ADAMTS17: variants seen among roughly 807,000 people sequenced by gnomAD.
The protein encoded by ADAMTS17 is A disintegrin and metalloproteinase with thrombospondin motifs 17.
A neutral mutation model predicts 141.5 loss-of-function variants in ADAMTS17; 113 were observed. That is an observed-to-expected ratio of 0.80 (90% CI 0.69 to 0.93). ADAMTS17 has a LOEUF of 0.93. Ranked by LOEUF, ADAMTS17 falls within the 40% of genes least tolerant of loss-of-function variation. The pLI is 0.00. For synonymous variants in ADAMTS17, 768 were observed against 630.6 expected (o/e 1.22, Z -3.27); for missense variants, 1,659 against 1,517.9 (o/e 1.09, Z -1.54).
intron 3 of ADAMTS17, among the ~76,000 whole-genome samples, chr15:100,295,242 T>A (rs1047604328): frequency 5.3e-5 from 8 of 152,168 alleles, no homozygotes; most frequent in African/African-American, 1.9e-4. Context: ...CCATTTCCCA[T>A]TCTGCCTCTT....
At chr15:100,051,544 CA>C (rs1468516899) in intron 17 of ADAMTS17, 27 bp downstream of exon 17, 2 of 1,612,414 alleles carry the variant, frequency 1.2e-6, no homozygotes, top group African/African-American at 2.7e-5. Context: ...ACCCCACACC[CA>C]ACAGGTCATG....
chr15:99,998,070 G>A (rs765528046), intron 18 of ADAMTS17, among the ~76,000 whole-genome samples: 1 of 152,154 alleles, frequency 6.6e-6, no homozygotes, highest in Non-Finnish European at 1.5e-5. Context: ...TACCGCCTGC[G>A]CTACTGTCAG....
At chr15:100,246,711 C>A (rs1388349162) in intron 7 of ADAMTS17, among the ~76,000 whole-genome samples, 1 of 152,022 alleles carries the variant, frequency 6.6e-6, no homozygotes, top group African/African-American at 2.4e-5. Flanking sequence ...CTGGAGACTA[C>A]ACTTTTTTTT....
chr15:100,210,153 C>G (rs983911730), intron 7 of ADAMTS17, among the ~76,000 whole-genome samples: 5 of 142,126 alleles, frequency 3.5e-5, no homozygotes, highest in African/African-American at 5.4e-5. Context: ...ATGGCGTGAA[C>G]CTGGGAGGAG....
At chr15:100,236,311 A>C (rs1321100597) in intron 7 of ADAMTS17, among the ~76,000 whole-genome samples, 1 of 150,232 alleles carries the variant, frequency 6.7e-6, no homozygotes, top group African/African-American at 2.5e-5. Context: ...CCCTAACAAG[A>C]GAAGACCCCC....
intron 7 of ADAMTS17, among the ~76,000 whole-genome samples, chr15:100,241,585 G>T (rs141763109): frequency 6.6e-6 from 1 of 152,164 alleles, no homozygotes; most frequent in Non-Finnish European, 1.5e-5. Context: ...TCAGCCAGTC[G>T]GCCAACGGAG....
At chr15:100,114,960 A>G (rs1310789161) in intron 13 of ADAMTS17, among the ~76,000 whole-genome samples, 2 of 152,282 alleles carry the variant, frequency 1.3e-5, no homozygotes, top group Non-Finnish European at 2.9e-5. Flanking sequence ...AGACGGGAGC[A>G]TTGAAAACTG....
Position 99,972,788 on chromosome 15 carries a change from C to G in ADAMTS17, c.*1614G>C, listed in dbSNP as rs1172972753. 1 of 152,204 alleles carries G rather than the reference C, an allele frequency of 6.6e-6. No individual in the cohort carries two copies. Among genetic ancestry groups the G allele is most frequent in the East Asian group, 1.9e-4 (1 of 5,198 alleles). 9.4% of individuals were successfully genotyped at this position (152,204 alleles called of 1,614,324 possible). A position where few individuals can be genotyped will look rare whatever the true frequency, so the allele number is the denominator to read the frequency against. ...TTCTCTGCCTCTAGGGTAGTAAAAA[C>G]AAAAACACAGCTCGTAAGACAGGGT... On this transcript the variant is annotated 3_prime_UTR_variant, in exon 22 of 22. Transcript: ENST00000268070.
chr15:99,992,423 C>T (rs945728742), intron 20 of ADAMTS17, among the ~76,000 whole-genome samples: 4 of 152,178 alleles, frequency 2.6e-5, no homozygotes, highest in Non-Finnish European at 5.9e-5. Flanking sequence ...TTACAGGTGG[C>T]AGTGGGGCTC....
At chr15:99,999,249 A>G (rs922993210) in intron 18 of ADAMTS17, among the ~76,000 whole-genome samples, 3 of 152,168 alleles carry the variant, frequency 2.0e-5, no homozygotes, top group African/African-American at 7.2e-5. Context: ...ACTGAACCAT[A>G]TATATCACCA....
At position 99,972,510 on chromosome 15, in the gene ADAMTS17, T is replaced by G. The variant is rs1378486045; in HGVS notation, c.*1892A>C. ...TAAATGTCTTTCAGTGAATTAACAG[T>G]TCATTTGGGGATGAAGAAAATTGAA... is the stretch of plus-strand genomic sequence containing the variant. On this transcript the variant is annotated 3_prime_UTR_variant, in exon 22 of 22. Transcript: ENST00000268070. 3 of 152,122 alleles carry G rather than the reference T, an allele frequency of 2.0e-5. No individual in the cohort carries two copies. Among genetic ancestry groups the G allele is most frequent in the African/African-American group, 7.2e-5 (3 of 41,416 alleles). 9.4% of individuals were successfully genotyped at this position (152,122 alleles called of 1,614,324 possible).
chr15:100,328,243 T>C (rs1041740158), intron 3 of ADAMTS17, among the ~76,000 whole-genome samples: 1 of 152,156 alleles, frequency 6.6e-6, no homozygotes, highest in African/African-American at 2.4e-5. Flanking sequence ...CCCAGTAAAT[T>C]AATTTTCCCG....
chr15:100,165,541 A>C (rs1442183809), intron 8 of ADAMTS17, among the ~76,000 whole-genome samples: 1 of 152,214 alleles, frequency 6.6e-6, no homozygotes, highest in African/African-American at 2.4e-5. Flanking sequence ...GCATCCAAAA[A>C]TGCATCTAGA....
intron 11 of ADAMTS17, 145 bp downstream of exon 11, chr15:100,133,069 G>C (rs1368508671): frequency 8.9e-6 from 6 of 673,610 alleles, no homozygotes; most frequent in Non-Finnish European, 1.5e-5. Context: ...TCTGTGCCCG[G>C]AGTGGCCTCC....
chr15:100,338,016 A>C (rs2046257411), intron 2 of ADAMTS17, among the ~76,000 whole-genome samples: 1 of 152,238 alleles, frequency 6.6e-6, no homozygotes, highest in Non-Finnish European at 1.5e-5. Context: ...TGATATGCTC[A>C]TAGAAACACT....
intron 12 of ADAMTS17, among the ~76,000 whole-genome samples, chr15:100,121,531 G>A (rs557140557): frequency 8.5e-5 from 13 of 152,198 alleles, no homozygotes; most frequent in Admixed American, 4.6e-4. Flanking sequence ...CCAAAAAGAA[G>A]TGTGCTTATA....
chr15:100,084,358 G>A (rs1428244626), intron 15 of ADAMTS17, among the ~76,000 whole-genome samples: 1 of 152,234 alleles, frequency 6.6e-6, no homozygotes, highest in Non-Finnish European at 1.5e-5. Context: ...CTCGAACTGG[G>A]TGGAGCCCAC....
intron 18 of ADAMTS17, among the ~76,000 whole-genome samples, chr15:100,006,138 T>C (rs539802677): frequency 6.6e-6 from 1 of 152,312 alleles, no homozygotes; most frequent in South Asian, 2.1e-4. Context: ...TAAGGTCACA[T>C]TCTGAGATAC....
At chr15:100,275,343 C>T (rs2044045052) in intron 4 of ADAMTS17, among the ~76,000 whole-genome samples, 4 of 152,134 alleles carry the variant, frequency 2.6e-5, no homozygotes. Context: ...AAGGGGAAGC[C>T]ACAGAGGAGC....
Sources: gnomAD v4.1 joint callset for allele counts (sites outside exome capture counted in the v4.1 genomes callset) on GRCh38, gnomAD v4.1.1 for gene constraint, MANE v1.5 for transcripts, NCBI Gene and HGNC (gene_info 2026-07-23, HGNC 2026-07-21) for gene names.